CSMD3: variants seen among roughly 807,000 people sequenced by gnomAD.
The protein encoded by CSMD3 is CUB and Sushi multiple domains 3, also known as CUB and sushi domain-containing protein 3.
A neutral mutation model predicts 435.2 loss-of-function variants in CSMD3; 177 were observed. That is an observed-to-expected ratio of 0.41 (90% CI 0.36 to 0.46). The LOEUF is 0.46. Among genes scored for constraint, CSMD3 ranks in the 20% least tolerant of loss-of-function variants. The pLI, the probability that CSMD3 is intolerant of heterozygous loss-of-function variation, is 0.34. For missense variants in CSMD3, 4,265 were observed against 4,504.6 expected (o/e 0.95, Z 1.52); for synonymous variants, 1,656 against 1,520.5 (o/e 1.09, Z -2.07).
At chr8:112,586,141 T>C (rs1311353831) in intron 23 of CSMD3, among the ~76,000 whole-genome samples, 2 of 151,606 alleles carry the variant, frequency 1.3e-5, no homozygotes, top group Admixed American at 6.6e-5. Context: ...CATGAAATAA[T>C]ATTTTTTTAA....
chr8:112,820,641 A>ATT (rs112907451), intron 12 of CSMD3, among the ~76,000 whole-genome samples: 73 of 142,690 alleles, frequency 5.1e-4, no homozygotes, highest in Admixed American at 7.0e-4. Flanking sequence ...TGAGGCCTTA[A>ATT]TTTTTTTTTT....
At chr8:112,437,540 A>G (rs1814500372) in intron 32 of CSMD3, among the ~76,000 whole-genome samples, 1 of 152,030 alleles carries the variant, frequency 6.6e-6, no homozygotes. Flanking sequence ...ATTCCATGTG[A>G]CCATATTTTC....
intron 11 of CSMD3, among the ~76,000 whole-genome samples, chr8:112,834,080 T>C (rs770536956): frequency 6.6e-6 from 1 of 151,954 alleles, no homozygotes; most frequent in Non-Finnish European, 1.5e-5. Context: ...ACCCATTTAA[T>C]GGTAGATTTT....
intron 22 of CSMD3, among the ~76,000 whole-genome samples, chr8:112,590,220 TC>T (rs1831066970): frequency 6.6e-6 from 1 of 152,042 alleles, no homozygotes; most frequent in African/African-American, 2.4e-5. Flanking sequence ...GGACCTACTT[TC>T]CAGTGGAAAG....
intron 2 of CSMD3, chr8:113,311,624 AC>A (rs2093869657): frequency 2.0e-5 from 3 of 152,162 alleles, no homozygotes; most frequent in Admixed American, 6.5e-5. Context: ...AAACAGCCAG[AC>A]GCAAATATGA....
At chr8:112,590,630 T>C (rs1193318837) in intron 22 of CSMD3, among the ~76,000 whole-genome samples, 1 of 152,094 alleles carries the variant, frequency 6.6e-6, no homozygotes, top group Non-Finnish European at 1.5e-5. Flanking sequence ...GAGCTGCTTG[T>C]TCTTGTGATG....
chr8:112,732,035 T>C (rs2077086274), intron 13 of CSMD3, among the ~76,000 whole-genome samples: 1 of 152,030 alleles, frequency 6.6e-6, no homozygotes, highest in Admixed American at 6.6e-5. Flanking sequence ...TGTTGATTAA[T>C]TTAAAAGGCA....
chr8:112,514,246 G>A (rs1451713605), intron 28 of CSMD3, among the ~76,000 whole-genome samples: 3 of 151,946 alleles, frequency 2.0e-5, no homozygotes, highest in Non-Finnish European at 2.9e-5. Flanking sequence ...GAAAACCTAC[G>A]AAAGCCAACA....
rs1417894561 is a variant in CSMD3, at chr8:112,244,526, C to T, written c.10270G>A (p.Gly3424Arg). ...TACCCATGAGATGGAAGGTCCATCCCTACGACATTTGCATGAGCAGGAGTT... is the reference window on the plus strand; with the variant it reads ...TACCCATGAGATGGAAGGTCCATCCTTACGACATTTGCATGAGCAGGAGTT... ...PETPAHANVV[G>R]MDLPSHGYTL... Residue 3424 changes from glycine to arginine, a missense_variant, in exon 65 of 71, where the codon GGG (glycine) becomes AGG (arginine). Physicochemically the swap from Gly to Arg is moderately radical, Grantham distance 125 (BLOSUM62 -2). Around this residue, in one of 3 missense-constraint regions of CSMD3, gnomAD observed 3,255 missense variants for 3,380.2 expected, o/e 0.96. Coordinates refer to ENST00000297405, the MANE Select transcript of CSMD3 (RefSeq NM_198123.2). 3.1e-6 allele frequency: 5 copies of T among 1,613,728 alleles called. No individual in the cohort carries two copies. The highest frequency in any genetic ancestry group is 4.2e-6 in the Non-Finnish European group (5 of 1,179,852).
intron 2 of CSMD3, chr8:113,311,156 A>G (rs2093865464): frequency 6.6e-6 from 1 of 152,078 alleles, no homozygotes. Context: ...TAAAATAAAC[A>G]AGGCTTAGAA....
At chr8:112,409,140 T>C in intron 32 of CSMD3, 108 bp from the exon 33 acceptor site, 2 of 1,538,676 alleles carry the variant, frequency 1.3e-6, no homozygotes, top group African/African-American at 1.4e-5. Flanking sequence ...AGTATTACAA[T>C]ATAATAGTCA....
intron 11 of CSMD3, among the ~76,000 whole-genome samples, chr8:112,833,948 G>A (rs1426604196): frequency 6.6e-6 from 1 of 151,824 alleles, no homozygotes; most frequent in Non-Finnish European, 1.5e-5. Flanking sequence ...CCTTTCATAT[G>A]ACTTAAAAGT....
At chr8:112,943,874 C>T (rs998377345) in intron 9 of CSMD3, among the ~76,000 whole-genome samples, 4 of 151,674 alleles carry the variant, frequency 2.6e-5, no homozygotes, top group African/African-American at 9.7e-5. Context: ...GATTTCTTTG[C>T]TCCCAATCCA....
intron 54 of CSMD3, among the ~76,000 whole-genome samples, chr8:112,293,941 G>A (rs1159088475): frequency 2.0e-5 from 3 of 151,966 alleles, no homozygotes; most frequent in Non-Finnish European, 4.4e-5. Flanking sequence ...TACCCTAAGG[G>A]CCAATTCTCA....
chr8:113,169,922 C>T (rs1207868810), intron 4 of CSMD3, among the ~76,000 whole-genome samples: 1 of 152,156 alleles, frequency 6.6e-6, no homozygotes, highest in Admixed American at 6.6e-5. Flanking sequence ...AGTTAGTTGA[C>T]TTTTACAAAT....
At chr8:112,866,984 G>C (rs1291275593) in intron 10 of CSMD3, among the ~76,000 whole-genome samples, 3 of 152,064 alleles carry the variant, frequency 2.0e-5, no homozygotes, top group Non-Finnish European at 4.4e-5. Flanking sequence ...TACCAACAAA[G>C]GACTTACTTA....
At chr8:112,691,538 G>GT (rs1430815058) in intron 13 of CSMD3, among the ~76,000 whole-genome samples, 2 of 151,896 alleles carry the variant, frequency 1.3e-5, no homozygotes, top group Non-Finnish European at 2.9e-5. Flanking sequence ...CTTGGAGAGG[G>GT]TTTTGGGCCA....
chr8:113,301,116 A>T (rs187640282), intron 2 of CSMD3, among the ~76,000 whole-genome samples: 338 of 152,192 alleles, frequency 2.2e-3, no homozygotes, highest in African/African-American at 7.8e-3. Flanking sequence ...GAAAAAAGTT[A>T]AAAATGACCA....
chr8:113,241,257 T>C (rs1336343059), intron 3 of CSMD3, among the ~76,000 whole-genome samples: 2 of 151,926 alleles, frequency 1.3e-5, no homozygotes, highest in Non-Finnish European at 2.9e-5. Context: ...AAAATATGAA[T>C]AGAGAAAATA....
Sources: gnomAD v4.1 joint callset for allele counts (sites outside exome capture counted in the v4.1 genomes callset) on GRCh38, gnomAD v4.1.1 for gene constraint, gnomAD v4.1.1 regional missense constraint, MANE v1.5 for transcripts, NCBI Gene and HGNC (gene_info 2026-07-23, HGNC 2026-07-21) for gene names.